The following ATRNL1 variants were observed in gnomAD, a reference collection of about 807,000 sequenced individuals.
The protein encoded by ATRNL1 is attractin like 1, also known as attractin-like protein 1.
In ATRNL1, 95 loss-of-function variants were observed where a neutral mutation model predicts 182.7. That is an observed-to-expected ratio of 0.52 (90% CI 0.44 to 0.62). The LOEUF is 0.62. Ranked by LOEUF, ATRNL1 falls within the 20% of genes least tolerant of loss-of-function variation. The pLI is 0.00. For synonymous variants in ATRNL1, 576 were observed against 568.3 expected (o/e 1.01, Z -0.19); for missense variants, 1,471 against 1,679.5 (o/e 0.88, Z 2.17).
intron 26 of ATRNL1, among the ~76,000 whole-genome samples, chr10:115,723,378 C>T (rs969066200): frequency 6.6e-4 from 101 of 152,038 alleles, no homozygotes; most frequent in African/African-American, 2.3e-3. Flanking sequence ...AGTTGTATGC[C>T]TTGTGGTGTT....
chr10:115,514,680 C>A (rs1263082198), intron 24 of ATRNL1, among the ~76,000 whole-genome samples: 2 of 151,840 alleles, frequency 1.3e-5, no homozygotes, highest in Non-Finnish European at 2.9e-5. Flanking sequence ...ACTACTTATA[C>A]ACCATTTAAA....
chr10:115,426,561 CAT>C (rs200454375), intron 21 of ATRNL1, among the ~76,000 whole-genome samples: 1,779 of 152,154 alleles, frequency 0.012, 29 homozygotes, highest in African/African-American at 0.039. Context: ...TGAGTAAACT[CAT>C]GTGATTTTAA....
intron 19 of ATRNL1, among the ~76,000 whole-genome samples, chr10:115,392,163 G>A (rs1472111753): frequency 5.9e-5 from 9 of 152,010 alleles, no homozygotes; most frequent in African/African-American, 9.7e-5. Flanking sequence ...AGCAGAAAAT[G>A]TACATGCTAT....
chr10:115,107,996 T>A (rs1844092011), intron 1 of ATRNL1, among the ~76,000 whole-genome samples: 1 of 152,160 alleles, frequency 6.6e-6, no homozygotes, highest in Non-Finnish European at 1.5e-5. Context: ...GCCTTCAAGA[T>A]CTCTTTCTAT....
chr10:115,389,488 G>A (rs1388282652), intron 19 of ATRNL1, among the ~76,000 whole-genome samples: 9 of 96,684 alleles, frequency 9.3e-5, no homozygotes, highest in South Asian at 3.4e-4. Flanking sequence ...ACTTCAGCCC[G>A]AGACTCCGTC....
chr10:115,884,334 T>C (rs558772144), intron 28 of ATRNL1, among the ~76,000 whole-genome samples: 6 of 152,322 alleles, frequency 3.9e-5, no homozygotes, highest in Admixed American at 2.6e-4. Flanking sequence ...TATTTCACCA[T>C]GCAGAATGTT....
intron 25 of ATRNL1, among the ~76,000 whole-genome samples, chr10:115,548,421 GA>G (rs1456307778): frequency 6.6e-6 from 1 of 152,168 alleles, no homozygotes. Flanking sequence ...GCTTATGAGT[GA>G]CTTAAGTGAT....
At chr10:115,206,100 C>T (rs1178189894) in intron 8 of ATRNL1, among the ~76,000 whole-genome samples, 4 of 151,960 alleles carry the variant, frequency 2.6e-5, no homozygotes, top group South Asian at 2.1e-4. Context: ...TATAGAATCC[C>T]GAGTTATAAT....
At chr10:115,782,889 G>A (rs1410572700) in intron 27 of ATRNL1, among the ~76,000 whole-genome samples, 1 of 152,184 alleles carries the variant, frequency 6.6e-6, no homozygotes, top group Non-Finnish European at 1.5e-5. Context: ...GGACAGGACA[G>A]TTATGAAAGA....
chr10:115,184,150 G>T (rs566032629), intron 8 of ATRNL1, among the ~76,000 whole-genome samples: 2 of 151,300 alleles, frequency 1.3e-5, no homozygotes, highest in East Asian at 3.9e-4. Flanking sequence ...GGTCAAAGGA[G>T]AAAAATGATA....
chr10:115,243,577 C>G (rs1850510792), intron 10 of ATRNL1, among the ~76,000 whole-genome samples: 1 of 151,996 alleles, frequency 6.6e-6, no homozygotes, highest in Non-Finnish European at 1.5e-5. Context: ...ACTCCTAAAA[C>G]TTGTGGTAGT....
intron 19 of ATRNL1, among the ~76,000 whole-genome samples, chr10:115,366,563 G>A (rs868947865): frequency 6.6e-6 from 1 of 150,498 alleles, no homozygotes. Context: ...CTGTCATTAT[G>A]ATGTTAGCTG....
chr10:115,311,769 A>G (rs1386313965), intron 17 of ATRNL1, among the ~76,000 whole-genome samples: 1 of 152,060 alleles, frequency 6.6e-6, no homozygotes, highest in Non-Finnish European at 1.5e-5. Flanking sequence ...TGATTGTTTT[A>G]TGAATTTGGC....
At chr10:115,927,478 T>C (rs1236885899) in intron 28 of ATRNL1, among the ~76,000 whole-genome samples, 2 of 152,078 alleles carry the variant, frequency 1.3e-5, no homozygotes, top group Non-Finnish European at 2.9e-5. Flanking sequence ...AAAAAACCAT[T>C]AGAAGAGAAC....
In ATRNL1 at chr10:115,215,003, T is replaced by C. The variant is rs534417925; in HGVS notation, c.1349-694T>C. On this transcript the variant is annotated intron_variant, in intron 8 of 28. Transcript: ENST00000355044. ...ACTGAGCAACTAAACATACCAGTTT[T>C]GCTACTGAGCAGGGAATACCTATTA... Among the ~76,000 whole-genome samples the C allele has an allele frequency of 5.9e-5, 9 of 152,328 alleles. No homozygotes were observed. The South Asian group carries it at 1.7e-3, about 28-fold the overall frequency.
intron 5 of ATRNL1, among the ~76,000 whole-genome samples, chr10:115,138,770 T>C (rs782036296): frequency 1.8e-4 from 27 of 152,214 alleles, no homozygotes; most frequent in Non-Finnish European, 3.8e-4. Flanking sequence ...TTCCCCATTG[T>C]CTTGGTGATT....
At chr10:115,210,924 T>C (rs1342267990) in intron 8 of ATRNL1, among the ~76,000 whole-genome samples, 1 of 152,022 alleles carries the variant, frequency 6.6e-6, no homozygotes, top group Non-Finnish European at 1.5e-5. Flanking sequence ...TTAAATATCA[T>C]TATCTTGAGT....
At chr10:115,358,337 T>G (rs2134147627) in intron 19 of ATRNL1, among the ~76,000 whole-genome samples, 1 of 151,792 alleles carries the variant, frequency 6.6e-6, no homozygotes, top group South Asian at 2.1e-4. Flanking sequence ...TGAAGTACAT[T>G]TAAAGCTCCT....
intron 24 of ATRNL1, among the ~76,000 whole-genome samples, chr10:115,490,860 G>C (rs868974078): frequency 2.0e-5 from 3 of 152,076 alleles, no homozygotes; most frequent in African/African-American, 7.2e-5. Flanking sequence ...CCCCATCTTC[G>C]TGTATTTATC....
Sources: allele counts gnomAD v4.1 joint callset (sites outside exome capture counted in the v4.1 genomes callset), GRCh38; gene constraint gnomAD v4.1.1; transcripts MANE v1.5; gene names NCBI Gene and HGNC (gene_info 2026-07-23, HGNC 2026-07-21).